TUBGCP3: variants seen among roughly 807,000 people sequenced by gnomAD.
TUBGCP3 encodes the protein tubulin gamma complex component 3.
TUBGCP3 carries 50 observed loss-of-function variants against 123.1 expected under a neutral mutation model. The observed-to-expected ratio is 0.41, with a 90% CI of 0.32 to 0.51. The LOEUF is 0.51. Ranked by LOEUF, TUBGCP3 falls within the 20% of genes least tolerant of loss-of-function variation. TUBGCP3 has a pLI of 0.36. For missense variants in TUBGCP3, 882 were observed against 1,127.0 expected (o/e 0.78, Z 3.11); for synonymous variants, 405 against 413.9 (o/e 0.98, Z 0.26).
At chr13:112,530,093 C>T (rs1315301793) in intron 11 of TUBGCP3, among the ~76,000 whole-genome samples, 1 of 152,160 alleles carries the variant, frequency 6.6e-6, no homozygotes, top group Non-Finnish European at 1.5e-5. Flanking sequence ...TTCTAGGCCA[C>T]AGAAATACAC....
chr13:112,560,554 G>T (rs563541888), intron 3 of TUBGCP3, among the ~76,000 whole-genome samples: 1 of 152,122 alleles, frequency 6.6e-6, no homozygotes, highest in Non-Finnish European at 1.5e-5. Context: ...AGTCTGATTC[G>T]CAAACATAAC....
intron 14 of TUBGCP3, among the ~76,000 whole-genome samples, chr13:112,521,035 G>A (rs1441327151): frequency 2.6e-5 from 4 of 152,216 alleles, no homozygotes; most frequent in South Asian, 4.1e-4. Context: ...AGGCGAATGC[G>A]TTCAGCCGGC....
At chr13:112,568,780 C>G (rs1301895352) in intron 2 of TUBGCP3, among the ~76,000 whole-genome samples, 2 of 152,344 alleles carry the variant, frequency 1.3e-5, no homozygotes. Flanking sequence ...AACAGGACAG[C>G]TCATGTGTGG....
chr13:112,578,344 G>A (rs1480302014), intron 1 of TUBGCP3, among the ~76,000 whole-genome samples: 2 of 151,448 alleles, frequency 1.3e-5, no homozygotes, highest in Non-Finnish European at 2.9e-5. Context: ...CGGATCACGA[G>A]GTCAGGAGAT....
intron 20 of TUBGCP3, among the ~76,000 whole-genome samples, chr13:112,496,618 C>T (rs1880542759): frequency 6.6e-6 from 1 of 152,172 alleles, no homozygotes; most frequent in Non-Finnish European, 1.5e-5. Context: ...GTCCCACTCA[C>T]TGTGACGGCT....
At chr13:112,541,636 A>G (rs192210134) in intron 11 of TUBGCP3, among the ~76,000 whole-genome samples, 4 of 152,326 alleles carry the variant, frequency 2.6e-5, no homozygotes, top group Admixed American at 2.6e-4. Context: ...AAATATGCAA[A>G]CTAAATTAAT....
At chr13:112,582,686 T>G (rs1055760814) in intron 1 of TUBGCP3, among the ~76,000 whole-genome samples, 3 of 151,960 alleles carry the variant, frequency 2.0e-5, no homozygotes, top group African/African-American at 7.3e-5. Context: ...AATGCAAGAG[T>G]GAAAAATAGA....
intron 1 of TUBGCP3, among the ~76,000 whole-genome samples, chr13:112,578,537 C>T (rs376393787): frequency 9.6e-6 from 1 of 104,590 alleles, no homozygotes; most frequent in African/African-American, 4.1e-5. Flanking sequence ...CCAGCTTGGG[C>T]GAAAGAGTGA....
chr13:112,539,648 T>C (rs1878338703), intron 11 of TUBGCP3, among the ~76,000 whole-genome samples: 1 of 152,196 alleles, frequency 6.6e-6, no homozygotes, highest in Non-Finnish European at 1.5e-5. Flanking sequence ...TCTCAGACCC[T>C]AGGTACGTGC....
chr13:112,545,771 G>A lies in TUBGCP3; in HGVS notation c.1263C>T (p.Leu421=), dbSNP rs147627552. The A allele has an allele frequency of 7.4e-6, 12 of 1,614,078 alleles. No individual in the cohort carries two copies. The highest frequency in any genetic ancestry group is 5.0e-5 in the Admixed American group (3 of 60,010). The change falls in exon 11 of 22, where the codon CTC becomes CTT. Residue 421 remains leucine (L), a synonymous_variant. Coordinates refer to ENST00000261965, the MANE Select transcript of TUBGCP3 (RefSeq NM_006322.6). The surrounding 1 kb of genome is among the most constrained non-coding windows in gnomAD (Gnocchi z 4.1). ...GGAAGCTCAAAACAGGATGAGACAC[G>A]AGGCTGAGGATGTGCTGCACCAGAG... ...MRSLVQHILS[L]VSHPVLSFLY...
intron 11 of TUBGCP3, among the ~76,000 whole-genome samples, chr13:112,536,375 T>C (rs1878058213): frequency 6.6e-6 from 1 of 152,210 alleles, no homozygotes; most frequent in Admixed American, 6.5e-5. Context: ...GTGTGTCTCA[T>C]GTTGGGGAAG....
upstream of TUBGCP3, among the ~76,000 whole-genome samples, chr13:112,592,748 G>A (rs1882903823): frequency 6.6e-6 from 1 of 152,210 alleles, no homozygotes; most frequent in African/African-American, 2.4e-5. The surrounding 1 kb of genome is among the most constrained non-coding windows in gnomAD (Gnocchi z 4.1). Context: ...AGGTGCCTGG[G>A]TTGGGCACAG....
At chr13:112,573,603 G>A (rs1276516944) in intron 1 of TUBGCP3, among the ~76,000 whole-genome samples, 2 of 152,180 alleles carry the variant, frequency 1.3e-5, no homozygotes, top group Non-Finnish European at 2.9e-5. Context: ...AGGGATCTGG[G>A]AGAAGAATGT....
chr13:112,571,862 G>C (rs1881419661), intron 1 of TUBGCP3, among the ~76,000 whole-genome samples: 2 of 152,106 alleles, frequency 1.3e-5, no homozygotes, highest in Admixed American at 1.3e-4. Flanking sequence ...CTTTCCTTCA[G>C]TCTCATGAAC....
chr13:112,532,694 A>T (rs1273441062), intron 11 of TUBGCP3, among the ~76,000 whole-genome samples: 3 of 152,264 alleles, frequency 2.0e-5, no homozygotes, highest in African/African-American at 7.2e-5. Flanking sequence ...CTTTTACAGT[A>T]CTTACATTTA....
At chr13:112,490,490 G>C (rs976182398) in intron 20 of TUBGCP3, among the ~76,000 whole-genome samples, 13 of 152,118 alleles carry the variant, frequency 8.5e-5, no homozygotes, top group African/African-American at 2.9e-4. Flanking sequence ...CCTGATCTCA[G>C]GTGATCTGCC....
the TUBGCP3 span, among the ~76,000 whole-genome samples, chr13:112,594,745 A>G: frequency 4.6e-5 from 7 of 152,142 alleles, no homozygotes; most frequent in African/African-American, 1.4e-4. Flanking sequence ...GAGCTTTTGA[A>G]TTTTGATATG....
chr13:112,567,514 G>C (rs781614485), intron 2 of TUBGCP3, among the ~76,000 whole-genome samples: 1 of 152,192 alleles, frequency 6.6e-6, no homozygotes, highest in Non-Finnish European at 1.5e-5. Flanking sequence ...GGAGAGTATA[G>C]TGTTCTTATG....
At chr13:112,554,803 C>G (rs1879888870) in intron 7 of TUBGCP3, 84 bp downstream of exon 7, 1 of 950,686 alleles carries the variant, frequency 1.1e-6, no homozygotes, top group African/African-American at 1.6e-5. Flanking sequence ...CCAGTACCAC[C>G]TTATCAATCA....
Sources: allele counts gnomAD v4.1 joint callset (sites outside exome capture counted in the v4.1 genomes callset), GRCh38; gene constraint gnomAD v4.1.1; non-coding constraint Gnocchi (gnomAD v3.1); transcripts MANE v1.5; gene names NCBI Gene and HGNC (gene_info 2026-07-23, HGNC 2026-07-21).